Variants in GBF1 observed in about 807,000 individuals in gnomAD.
The protein encoded by GBF1 is golgi brefeldin A resistant guanine nucleotide exchange factor 1.
A neutral mutation model predicts 210.5 loss-of-function variants in GBF1; 114 were observed. That is an observed-to-expected ratio of 0.54 (90% confidence interval 0.47 to 0.63). The LOEUF (loss-of-function observed/expected upper bound fraction) is 0.63. Among genes scored for constraint, GBF1 ranks in the 30% least tolerant of loss-of-function variants. GBF1 has a pLI of 0.00. For missense variants in GBF1, 1,851 were observed against 2,357.7 expected, an observed-to-expected ratio of 0.79 and a Z score of 4.45; for synonymous variants, 850 against 889.2, an observed-to-expected ratio of 0.96 and a Z score of 0.78.
At chr10:102,376,075 C>A (rs1360361659) in intron 30 of GBF1, among the ~76,000 whole-genome samples, 197 bp from the exon 31 acceptor site, 2 of 151,942 alleles carry the variant, frequency 1.3e-5, no homozygotes, top group East Asian at 3.9e-4. Context: ...CATCAGGAAC[C>A]CAGATTAGCC....
intron 3 of GBF1, among the ~76,000 whole-genome samples, chr10:102,337,338 C>G (rs898228952): frequency 9.6e-5 from 14 of 145,872 alleles, no homozygotes; most frequent in African/African-American, 3.5e-4. Context: ...CCACTGCACT[C>G]CAGCCTGGGC....
At chr10:102,258,604 T>C (rs1336240842) in intron 1 of GBF1, among the ~76,000 whole-genome samples, 4 of 150,378 alleles carry the variant, frequency 2.7e-5, no homozygotes, top group African/African-American at 9.7e-5. Context: ...AAACCCCGTC[T>C]CTTCTAAAAA....
At chr10:102,286,610 A>G (rs1281419573) in intron 3 of GBF1, among the ~76,000 whole-genome samples, 2 of 152,146 alleles carry the variant, frequency 1.3e-5, no homozygotes, top group African/African-American at 4.8e-5. Context: ...AAATCTTTAA[A>G]TCCCCCCTCT....
chr10:102,265,710 TGAAA>T (rs956827749), intron 3 of GBF1, among the ~76,000 whole-genome samples: 12 of 152,028 alleles, frequency 7.9e-5, no homozygotes, highest in South Asian at 2.1e-4. Context: ...AATGAATGAA[TGAAA>T]GAAAGTATCA....
chr10:102,342,842 T>C (rs1330907019), intron 3 of GBF1, among the ~76,000 whole-genome samples: 3 of 152,086 alleles, frequency 2.0e-5, no homozygotes, highest in African/African-American at 7.2e-5. Flanking sequence ...CAGAGTAAGG[T>C]AGGGAGTAAG....
intron 3 of GBF1, among the ~76,000 whole-genome samples, chr10:102,337,369 CAA>C (rs376089186): frequency 1.1e-5 from 1 of 92,602 alleles, no homozygotes; most frequent in Non-Finnish European, 2.0e-5. Context: ...GACTCCGCCT[CAA>C]AAAAAAAAAA....
chr10:102,328,464 G>A (rs922589152), intron 3 of GBF1, among the ~76,000 whole-genome samples: 1 of 152,138 alleles, frequency 6.6e-6, no homozygotes, highest in African/African-American at 2.4e-5. Flanking sequence ...TCCAGCCAGG[G>A]TGACAGAGTG....
At chr10:102,230,682 C>CGCGGCGGCG in the GBF1 span, 1 of 1,578,618 alleles carries the variant, frequency 6.3e-7, no homozygotes, top group Admixed American at 1.9e-5. Flanking sequence ...AGGCGGCAGC[C>CGCGGCGGCG]GCGGCGGCGG....
At chr10:102,273,946 G>C (rs1238288862) in intron 3 of GBF1, among the ~76,000 whole-genome samples, 1 of 152,162 alleles carries the variant, frequency 6.6e-6, no homozygotes, top group Non-Finnish European at 1.5e-5. Context: ...GTTAGACATG[G>C]CCACCCTTTT....
rs1276481846 is a variant in GBF1, at chr10:102,358,177, A to G, written c.778A>G (p.Asn260Asp). ...PTPNGTTLSS[N>D]LTGGMPFIDV... ...TCCCAATGGAACCACCTTATCATCT[A>G]ACCTCACTGGTGAGTGCCCTGGACT... The change falls in exon 9 of 40, where the codon AAC becomes GAC. Residue 260 changes from asparagine (N) to aspartate (D), a missense_variant. Physicochemically the swap from Asn to Asp is conservative, Grantham distance 23 (BLOSUM62 1). Transcript: ENST00000369983. The G allele has an allele frequency of 2.5e-6, 4 of 1,613,480 alleles. No individual in the cohort carries two copies. In the African/African-American group the frequency reaches 4.0e-5, roughly 16 times the overall value.
intron 3 of GBF1, among the ~76,000 whole-genome samples, chr10:102,261,215 A>G (rs936140751): frequency 1.3e-5 from 2 of 151,270 alleles, no homozygotes; most frequent in African/African-American, 4.9e-5. Context: ...AAGAGAATGT[A>G]CACATTAAGT....
chr10:102,270,034 A>G (rs2074243104), intron 3 of GBF1, among the ~76,000 whole-genome samples: 1 of 151,968 alleles, frequency 6.6e-6, no homozygotes, highest in Admixed American at 6.6e-5. Flanking sequence ...GGCCGCCACC[A>G]TGCCCGGCTA....
intron 3 of GBF1, among the ~76,000 whole-genome samples, chr10:102,284,780 G>A (rs1286454834): frequency 1.3e-5 from 2 of 151,952 alleles, no homozygotes; most frequent in Non-Finnish European, 2.9e-5. Flanking sequence ...ATATACCTAG[G>A]ACTGGAATTG....
chr10:102,298,071 A>T (rs1333706259), intron 3 of GBF1, among the ~76,000 whole-genome samples: 5 of 151,946 alleles, frequency 3.3e-5, no homozygotes, highest in Non-Finnish European at 7.4e-5. Flanking sequence ...AGTAGCTGGG[A>T]TTACAGGCGC....
At chr10:102,239,964 G>A in the GBF1 span, among the ~76,000 whole-genome samples, 1 of 152,238 alleles carries the variant, frequency 6.6e-6, no homozygotes, top group Non-Finnish European at 1.5e-5. Context: ...TGGATTCCAT[G>A]AGCCTCCTTC....
chr10:102,368,635 T>TGA lies in GBF1; in HGVS notation c.2880-104_2880-103insGA, dbSNP rs2060038906. 14 of 886,564 alleles carry TGA rather than the reference T, an allele frequency of 1.6e-5. No homozygotes were observed. In the Admixed American group the frequency reaches 2.3e-4, roughly 15 times the overall value. The allele number at this position is 886,564 out of a possible 1,614,324, so 54.9% of individuals were successfully genotyped here. A position where few individuals can be genotyped will look rare whatever the true frequency, so the allele number is the denominator to read the frequency against. ...AACAGAAACAAAATTAAAAGGTTTCTTCCTGGGACTGACTGGGGAAGAGCC... is the reference window on the plus strand; with the variant it reads ...AACAGAAACAAAATTAAAAGGTTTCTGATCCTGGGACTGACTGGGGAAGAGCC... On this transcript the variant is annotated intron_variant, in intron 22 of 39. Transcript: ENST00000369983.
chr10:102,313,154 G>A (rs988589984), intron 3 of GBF1, among the ~76,000 whole-genome samples: 3 of 152,182 alleles, frequency 2.0e-5, no homozygotes, highest in Non-Finnish European at 4.4e-5. Flanking sequence ...GTGCTGCTGA[G>A]CAAAGGAAAG....
rs1053642366 is a variant in GBF1, at chr10:102,345,856, C to A, written c.295+1674C>A. On this transcript the variant is annotated intron_variant, in intron 4 of 39. Coordinates refer to ENST00000369983, the MANE Select transcript of GBF1 (RefSeq NM_001377137.1). ...ATCTATTTCCCAAACATTTTTATTACCCCAAATAGAAACTTAACATAATGG... is the reference window on the plus strand; with the variant it reads ...ATCTATTTCCCAAACATTTTTATTAACCCAAATAGAAACTTAACATAATGG... 3.9e-5 allele frequency among the ~76,000 whole-genome samples: 6 copies of A among 151,972 alleles called. 1 individual carries two copies. The Middle Eastern group carries it at 0.01, about 260-fold the overall frequency.
chr10:102,380,376 C>A lies in GBF1; in HGVS notation c.4992+14C>A. On this transcript the variant is annotated intron_variant, in intron 37 of 39. Coordinates refer to ENST00000369983, the MANE Select transcript of GBF1 (RefSeq NM_001377137.1). ...AGCGACTTACTGGTATGTTCTACCT[C>A]AGCTCTGCTGCCTGCCTCCTGTCCC... The A allele has an allele frequency of 6.3e-7, 1 of 1,594,904 alleles. No individual in the cohort carries two copies.
Sources: gnomAD v4.1 joint callset for allele counts (sites outside exome capture counted in the v4.1 genomes callset) on GRCh38, gnomAD v4.1.1 for gene constraint, MANE v1.5 for transcripts, NCBI Gene and HGNC (gene_info 2026-07-23, HGNC 2026-07-21) for gene names.